Variants in VPS13B observed in about 807,000 individuals in gnomAD.
VPS13B encodes the protein intermembrane lipid transfer protein VPS13B.
In VPS13B, 285 loss-of-function variants were observed where a neutral mutation model predicts 426.4. The observed-to-expected ratio is 0.67, with a 90% CI of 0.61 to 0.74. The LOEUF is 0.74. VPS13B is among the 30% of genes least tolerant of loss of function. The pLI is 0.00. For missense variants in VPS13B, 4,537 were observed against 4,782.6 expected, an observed-to-expected ratio of 0.95 and a Z score of 1.51; for synonymous variants, 1,676 against 1,676.4, an observed-to-expected ratio of 1.00 and a Z score of 0.01.
At chr8:99,518,515 A>T (rs539874866) in intron 29 of VPS13B, among the ~76,000 whole-genome samples, 1 of 152,242 alleles carries the variant, frequency 6.6e-6, no homozygotes, top group Non-Finnish European at 1.5e-5. Flanking sequence ...TGACATCCGT[A>T]TGCTAATATT....
intron 19 of VPS13B, among the ~76,000 whole-genome samples, chr8:99,350,790 TATA>T (rs781695585): frequency 1.8e-4 from 28 of 151,638 alleles, no homozygotes; most frequent in Non-Finnish European, 3.5e-4. Flanking sequence ...AATATGTAAT[TATA>T]ATATGTATAT....
At chr8:99,393,992 A>T (rs913387817) in intron 21 of VPS13B, among the ~76,000 whole-genome samples, 1 of 152,156 alleles carries the variant, frequency 6.6e-6, no homozygotes, top group African/African-American at 2.4e-5. Flanking sequence ...ATCATAAATT[A>T]TAATGAGTTT....
intron 31 of VPS13B, among the ~76,000 whole-genome samples, chr8:99,569,455 A>G (rs888776087): frequency 1.3e-5 from 2 of 151,992 alleles, no homozygotes; most frequent in Non-Finnish European, 2.9e-5. Context: ...GGGAAAAAAA[A>G]AAAAAGAAAA....
At chr8:99,777,508 A>G (rs917527936) in intron 41 of VPS13B, among the ~76,000 whole-genome samples, 1 of 152,138 alleles carries the variant, frequency 6.6e-6, no homozygotes, top group Non-Finnish European at 1.5e-5. Flanking sequence ...GACCTGCCCC[A>G]CTGATTCGAT....
At chr8:99,592,419 C>G (rs1272662177) in intron 33 of VPS13B, among the ~76,000 whole-genome samples, 2 of 152,002 alleles carry the variant, frequency 1.3e-5, no homozygotes, top group Non-Finnish European at 2.9e-5. Context: ...GAAATTTCAG[C>G]TTTTCTGCTC....
intron 30 of VPS13B, among the ~76,000 whole-genome samples, chr8:99,533,575 C>A (rs760888545): frequency 4.0e-4 from 61 of 152,104 alleles, no homozygotes; most frequent in Non-Finnish European, 7.4e-4. Flanking sequence ...TACATATATA[C>A]TTTAACAGTT....
At chr8:99,325,482 T>G (rs1018507623) in intron 19 of VPS13B, among the ~76,000 whole-genome samples, 5 of 152,220 alleles carry the variant, frequency 3.3e-5, no homozygotes. Context: ...TTCATTGTTA[T>G]TTGTTCTTCA....
chr8:99,648,993 G>A (rs898747414), intron 34 of VPS13B, among the ~76,000 whole-genome samples: 2 of 151,262 alleles, frequency 1.3e-5, no homozygotes, highest in African/African-American at 4.9e-5. Context: ...TTTGCTGGAT[G>A]TAAAATTCTG....
intron 40 of VPS13B, among the ~76,000 whole-genome samples, chr8:99,770,274 C>A (rs1811416923): frequency 6.6e-6 from 1 of 152,146 alleles, no homozygotes; most frequent in Admixed American, 6.5e-5. Flanking sequence ...CTTTATAGTA[C>A]TGACCTTTGA....
At chr8:99,767,103 G>A in intron 40 of VPS13B, 133 bp downstream of exon 40, 3 of 887,594 alleles carry the variant, frequency 3.4e-6, no homozygotes, top group Non-Finnish European at 5.3e-6. Context: ...CAACAGATGA[G>A]AACCACAAAG....
chr8:99,503,134 CAG>C (rs1297619097), intron 27 of VPS13B, among the ~76,000 whole-genome samples, 184 bp downstream of exon 27: 2 of 152,188 alleles, frequency 1.3e-5, no homozygotes, highest in African/African-American at 4.8e-5. Context: ...AAGGAAGTGA[CAG>C]AAATTGTTTG....
At chr8:99,305,626 A>G (rs1390366751) in intron 19 of VPS13B, among the ~76,000 whole-genome samples, 1 of 152,052 alleles carries the variant, frequency 6.6e-6, no homozygotes, top group Non-Finnish European at 1.5e-5. Flanking sequence ...TACAGGGCCT[A>G]TTTATCTCTA....
At chr8:99,094,478 A>T (rs535988325) in intron 3 of VPS13B, among the ~76,000 whole-genome samples, 2 of 152,148 alleles carry the variant, frequency 1.3e-5, no homozygotes, top group Non-Finnish European at 2.9e-5. Context: ...GTGGAATGAA[A>T]CCTGTGATGT....
At chr8:99,224,633 C>T (rs1184105272) in intron 17 of VPS13B, among the ~76,000 whole-genome samples, 1 of 152,158 alleles carries the variant, frequency 6.6e-6, no homozygotes, top group East Asian at 1.9e-4. Context: ...AAGCATAGGA[C>T]AACATTAAAG....
chr8:99,289,841 T>G (rs1010537611), intron 19 of VPS13B, among the ~76,000 whole-genome samples: 6 of 152,130 alleles, frequency 3.9e-5, no homozygotes, highest in African/African-American at 1.2e-4. Context: ...AAAACAAGAT[T>G]TATTATAATG....
At chr8:99,056,222 A>C (rs1288464105) in intron 3 of VPS13B, among the ~76,000 whole-genome samples, 1 of 151,762 alleles carries the variant, frequency 6.6e-6, no homozygotes, top group Admixed American at 6.6e-5. Flanking sequence ...ATGCCCGGCT[A>C]ATTTTTTTTG....
In VPS13B at chr8:99,013,279, A is replaced by C. The variant is rs1841415842; in HGVS notation, c.-98A>C. ...ACACCCGGAAGTGGCGCGGTACAGG[A>C]GCAGCACTGCCGGCGGGGGCGGGTG... On this transcript the variant is annotated 5_prime_UTR_variant, in exon 1 of 62. Transcript: ENST00000357162. The C allele has an allele frequency of 1.2e-5, 3 of 243,190 alleles. No individual in the cohort carries two copies. The highest frequency in any genetic ancestry group is 1.5e-3 in the Middle Eastern group (1 of 652). 15.1% of individuals were successfully genotyped at this position (243,190 alleles called of 1,614,324 possible). A position where few individuals can be genotyped will look rare whatever the true frequency, so the allele number is the denominator to read the frequency against.
chr8:99,544,584 T>G (rs1472949330), intron 30 of VPS13B, among the ~76,000 whole-genome samples: 1 of 152,190 alleles, frequency 6.6e-6, no homozygotes, highest in African/African-American at 2.4e-5. Flanking sequence ...ATTTAATATA[T>G]TGATTGAATT....
chr8:99,851,713 G>A (rs1265875150), intron 55 of VPS13B, among the ~76,000 whole-genome samples: 1 of 152,052 alleles, frequency 6.6e-6, no homozygotes, highest in Non-Finnish European at 1.5e-5. Context: ...GCCCAGTGGA[G>A]GGGGTGGAAG....
Sources: allele counts gnomAD v4.1 joint callset (sites outside exome capture counted in the v4.1 genomes callset), GRCh38; gene constraint gnomAD v4.1.1; transcripts MANE v1.5; gene names NCBI Gene and HGNC (gene_info 2026-07-23, HGNC 2026-07-21).